Variants in PRKG1 observed in about 807,000 individuals in gnomAD.
The protein encoded by PRKG1 is protein kinase cGMP-dependent 1.
In PRKG1, 35 loss-of-function variants were observed where a neutral mutation model predicts 88.1. That is an observed-to-expected ratio of 0.40 (90% CI 0.30 to 0.53). The LOEUF is 0.53. PRKG1 is among the 20% of genes least tolerant of loss of function. The pLI, the probability that PRKG1 is intolerant of heterozygous loss-of-function variation, is 0.59. For synonymous variants in PRKG1, 303 were observed against 292.5 expected (o/e 1.04, Z -0.37); for missense variants, 540 against 839.8 (o/e 0.64, Z 4.41).
chr10:51,207,464 A>G (rs1458667637), intron 2 of PRKG1, among the ~76,000 whole-genome samples: 1 of 152,138 alleles, frequency 6.6e-6, no homozygotes, highest in Non-Finnish European at 1.5e-5. Context: ...GCTTCAGCAA[A>G]TAACATTTGT....
At chr10:51,880,852 G>A (rs1841419192) in intron 4 of PRKG1, among the ~76,000 whole-genome samples, 1 of 152,160 alleles carries the variant, frequency 6.6e-6, no homozygotes, top group African/African-American at 2.4e-5. Context: ...TAAGTATTGA[G>A]TATCTTTAGA....
intron 5 of PRKG1, among the ~76,000 whole-genome samples, chr10:51,989,135 C>T (rs576424145): frequency 3.3e-5 from 5 of 151,830 alleles, no homozygotes; most frequent in Admixed American, 6.6e-5. Flanking sequence ...GGTGAGAGAA[C>T]GCATGGAAAG....
intron 3 of PRKG1, among the ~76,000 whole-genome samples, chr10:51,665,049 G>C (rs1400932213): frequency 6.6e-6 from 1 of 152,080 alleles, no homozygotes; most frequent in Non-Finnish European, 1.5e-5. Flanking sequence ...TGCTATTCAA[G>C]TCTGTTGTCA....
At chr10:51,304,358 CAT>C (rs1564438503) in intron 2 of PRKG1, among the ~76,000 whole-genome samples, 1 of 152,002 alleles carries the variant, frequency 6.6e-6, no homozygotes, top group Non-Finnish European at 1.5e-5. Context: ...AAGGAAAAAT[CAT>C]GTGAACAACT....
chr10:52,066,047 G>A (rs750244597), intron 7 of PRKG1, among the ~76,000 whole-genome samples: 12 of 152,094 alleles, frequency 7.9e-5, no homozygotes, highest in Non-Finnish European at 1.8e-4. Context: ...TTCTTATGCT[G>A]TTATTCTCAC....
At chr10:51,922,554 G>A (rs1842484940) in intron 5 of PRKG1, among the ~76,000 whole-genome samples, 1 of 151,570 alleles carries the variant, frequency 6.6e-6, no homozygotes, top group Admixed American at 6.6e-5. Context: ...TTTTCTTTAA[G>A]TACTGTTTCT....
At chr10:51,392,774 C>G (rs1837448334) in intron 2 of PRKG1, among the ~76,000 whole-genome samples, 1 of 143,210 alleles carries the variant, frequency 7.0e-6, no homozygotes, top group Non-Finnish European at 1.6e-5. Flanking sequence ...ACCACCCCCA[C>G]CTCCCTCCCG....
At chr10:52,185,955 G>A (rs1318174091) in intron 9 of PRKG1, among the ~76,000 whole-genome samples, 5 of 152,156 alleles carry the variant, frequency 3.3e-5, no homozygotes, top group Admixed American at 1.3e-4. Flanking sequence ...GTCCTCCTAC[G>A]CCTTTGGGCC....
intron 5 of PRKG1, among the ~76,000 whole-genome samples, chr10:51,953,555 G>C (rs1002125121): frequency 1.1e-4 from 16 of 152,148 alleles, no homozygotes; most frequent in African/African-American, 3.6e-4. Flanking sequence ...AATTACTCAT[G>C]ACAACAGTTA....
Position 52,062,556 on chromosome 10 carries a change from A to G in PRKG1, c.860A>G (p.Asp287Gly). ...TTGCAGGTAAATGTCACTCGTGAAG[A>G]CTCACCGAGTGAAGACCCAGTCTTT... The part of the protein sequence containing the change: ...SKGTVNVTRE[D>G]SPSEDPVFLR... Residue 287 changes from aspartate to glycine, a missense_variant, in exon 7 of 18, where the codon GAC becomes GGC. Transcript: ENST00000373980. 6.3e-7 allele frequency: 1 copy of G among 1,599,282 alleles called. No individual in the cohort carries two copies. Among genetic ancestry groups the G allele is most frequent in the Non-Finnish European group, 8.5e-7 (1 of 1,174,584 alleles).
chr10:52,156,803 C>T (rs992056342), intron 8 of PRKG1, among the ~76,000 whole-genome samples: 29 of 151,802 alleles, frequency 1.9e-4, no homozygotes, highest in African/African-American at 6.5e-4. Flanking sequence ...CTAAGTAAAA[C>T]GTCTCAACTA....
intron 5 of PRKG1, among the ~76,000 whole-genome samples, chr10:51,940,857 T>C (rs1842892194): frequency 6.6e-6 from 1 of 152,000 alleles, no homozygotes; most frequent in South Asian, 2.1e-4. Flanking sequence ...AAAATTCTCA[T>C]CAGATCACAG....
chr10:51,603,812 A>G (rs941278964), intron 3 of PRKG1, among the ~76,000 whole-genome samples: 1 of 152,154 alleles, frequency 6.6e-6, no homozygotes, highest in African/African-American at 2.4e-5. Flanking sequence ...CTTTAGGAGA[A>G]GGGGTTGAGA....
At chr10:51,764,454 A>G (rs1309693323) in intron 3 of PRKG1, among the ~76,000 whole-genome samples, 1 of 152,134 alleles carries the variant, frequency 6.6e-6, no homozygotes, top group Non-Finnish European at 1.5e-5. Context: ...TTGAATTTCC[A>G]TGAAGTATCA....
intron 9 of PRKG1, among the ~76,000 whole-genome samples, chr10:52,192,117 A>T (rs1486612413): frequency 6.6e-6 from 1 of 152,000 alleles, no homozygotes; most frequent in Non-Finnish European, 1.5e-5. Context: ...TGGTATTATG[A>T]ATTTGTGGAT....
intron 2 of PRKG1, among the ~76,000 whole-genome samples, chr10:51,263,724 G>A (rs61849755): frequency 0.09 from 13,648 of 152,222 alleles, 749 homozygotes; most frequent in African/African-American, 0.14. Flanking sequence ...AAGAAAAGGA[G>A]TGATATTTTT....
chr10:51,609,772 G>C (rs1408654774), intron 3 of PRKG1, among the ~76,000 whole-genome samples: 5 of 152,116 alleles, frequency 3.3e-5, no homozygotes, highest in Admixed American at 3.3e-4. Context: ...TCACTTTTTA[G>C]TGGGAGCCTA....
rs535923547 is a variant in PRKG1 at position 51,626,001 on chromosome 10, A to G, written c.592+158165A>G. ...GCTTAACACTAATACTGAAAATGTA[A>G]TAGTAATTTTATTTTACTTGCTGCA... On this transcript the variant is annotated intron_variant, in intron 3 of 17. Transcript: ENST00000373980. 6.6e-5 allele frequency among the ~76,000 whole-genome samples: 10 copies of G among 152,344 alleles called. No homozygotes were observed. The East Asian group carries it at 1.9e-3, about 29-fold the overall frequency.
chr10:51,243,684 T>C (rs1839213298), intron 2 of PRKG1, among the ~76,000 whole-genome samples: 2 of 152,308 alleles, frequency 1.3e-5, no homozygotes, highest in South Asian at 4.1e-4. Flanking sequence ...ATAGTGCTGG[T>C]GAGCATTTGG....
Sources: allele counts gnomAD v4.1 joint callset (sites outside exome capture counted in the v4.1 genomes callset), GRCh38; gene constraint gnomAD v4.1.1; transcripts MANE v1.5; gene names NCBI Gene and HGNC (gene_info 2026-07-23, HGNC 2026-07-21).